PRKD1: variants seen among roughly 807,000 people sequenced by gnomAD.
The protein encoded by PRKD1 is serine/threonine-protein kinase D1.
Under a neutral mutation model 95.9 loss-of-function variants are expected in PRKD1, and 63 were observed. That is an observed-to-expected ratio of 0.66 (90% CI 0.54 to 0.81). PRKD1 has a LOEUF of 0.81. Ranked by LOEUF, PRKD1 falls within the 30% of genes least tolerant of loss-of-function variation. The probability of loss-of-function intolerance (pLI) is 0.00; values close to 1 mark genes in which losing one functional copy is unlikely to be tolerated. For missense variants in PRKD1, 1,048 were observed against 1,165.3 expected (o/e 0.90, Z 1.47); for synonymous variants, 425 against 423.1 (o/e 1.00, Z -0.05).
chr14:29,650,169 T>C (rs1242295682), intron 4 of PRKD1: 1 of 152,204 alleles, frequency 6.6e-6, no homozygotes, highest in Non-Finnish European at 1.5e-5. Context: ...GGGGTGTGAG[T>C]TTCATTCAAA....
intron 1 of PRKD1, among the ~76,000 whole-genome samples, chr14:29,767,616 A>G (rs1357817235): frequency 6.6e-6 from 1 of 152,150 alleles, no homozygotes; most frequent in African/African-American, 2.4e-5. Flanking sequence ...CATTTTAGCC[A>G]GTGTTCTCTT....
chr14:29,862,980 C>T lies in PRKD1; in HGVS notation c.264+64269G>A, dbSNP rs557474823. On this transcript the variant is annotated intron_variant, in intron 1 of 17. Transcript: ENST00000331968. ...AGTTTCCCCAAGCATTTTCTTTTGG[C>T]GGCTTCATAAAACAAAATTAGCTTT... is the stretch of plus-strand genomic sequence containing the variant. 1.1e-4 allele frequency among the ~76,000 whole-genome samples: 16 copies of T among 152,168 alleles called. No individual in the cohort carries two copies. In the South Asian group the frequency reaches 1.7e-3, roughly 16 times the overall value.
intron 4 of PRKD1, among the ~76,000 whole-genome samples, chr14:29,647,547 C>A (rs563211230): frequency 6.6e-6 from 1 of 152,144 alleles, no homozygotes; most frequent in Non-Finnish European, 1.5e-5. Flanking sequence ...AGTATTTGAC[C>A]TTGCCTGAAT....
chr14:29,733,963 CT>C (rs1324509481), intron 1 of PRKD1, among the ~76,000 whole-genome samples: 1 of 149,870 alleles, frequency 6.7e-6, no homozygotes, highest in African/African-American at 2.5e-5. Flanking sequence ...AGTCTATCAC[CT>C]TTACCATTTC....
chr14:29,607,996 G>A (rs1405864302), intron 13 of PRKD1, among the ~76,000 whole-genome samples: 3 of 152,116 alleles, frequency 2.0e-5, no homozygotes, highest in Non-Finnish European at 4.4e-5. Flanking sequence ...CTGAGGGAAA[G>A]AGTTCACAAA....
intron 2 of PRKD1, among the ~76,000 whole-genome samples, chr14:29,722,526 A>G (rs1377116690): frequency 6.6e-6 from 1 of 152,236 alleles, no homozygotes; most frequent in East Asian, 1.9e-4. Context: ...CAACAAATCG[A>G]TATTTTTACA....
intron 1 of PRKD1, among the ~76,000 whole-genome samples, chr14:29,875,020 T>C (rs540315384): frequency 9.9e-5 from 15 of 152,110 alleles, no homozygotes; most frequent in Non-Finnish European, 1.6e-4. Context: ...TATAAAAAAT[T>C]CACTTGTACT....
intron 13 of PRKD1, among the ~76,000 whole-genome samples, chr14:29,617,087 G>T (rs1878917018): frequency 1.3e-5 from 2 of 152,108 alleles, no homozygotes; most frequent in African/African-American, 4.8e-5. Flanking sequence ...GTTTGCCTAG[G>T]AAAATGGCCT....
At chr14:29,641,398 A>C (rs1880754495) in intron 4 of PRKD1, among the ~76,000 whole-genome samples, 1 of 152,206 alleles carries the variant, frequency 6.6e-6, no homozygotes, top group Non-Finnish European at 1.5e-5. Flanking sequence ...CATATTTCTA[A>C]ATGAAAAAGT....
intron 1 of PRKD1, among the ~76,000 whole-genome samples, chr14:29,798,306 G>A (rs937537792): frequency 9.9e-5 from 15 of 152,114 alleles, no homozygotes; most frequent in Admixed American, 6.5e-5. Flanking sequence ...TGGCAGAAGC[G>A]CCACCAAAAT....
intron 1 of PRKD1, among the ~76,000 whole-genome samples, chr14:29,762,776 C>T (rs376545990): frequency 9.1e-6 from 1 of 109,758 alleles, no homozygotes; most frequent in African/African-American, 3.3e-5. Context: ...TTTATTTTAT[C>T]TGTGTTGCCC....
At chr14:29,671,105 T>C (rs565836675) in intron 2 of PRKD1, among the ~76,000 whole-genome samples, 44 of 152,174 alleles carry the variant, frequency 2.9e-4, no homozygotes, top group Non-Finnish European at 2.6e-4. Context: ...ATAGGTTGAC[T>C]AGGCAGCTCA....
At chr14:29,845,395 T>C (rs1410122685) in intron 1 of PRKD1, among the ~76,000 whole-genome samples, 1 of 152,202 alleles carries the variant, frequency 6.6e-6, no homozygotes, top group African/African-American at 2.4e-5. Context: ...ACACTACCAA[T>C]ATGACTATTC....
chr14:29,670,875 A>G (rs1393500002), intron 2 of PRKD1, among the ~76,000 whole-genome samples: 2 of 152,304 alleles, frequency 1.3e-5, no homozygotes, highest in Admixed American at 6.5e-5. Flanking sequence ...AGTTGTGAGG[A>G]CCCACAGCTC....
chr14:29,615,447 T>G (rs1431331199), intron 13 of PRKD1, among the ~76,000 whole-genome samples: 1 of 152,268 alleles, frequency 6.6e-6, no homozygotes, highest in Non-Finnish European at 1.5e-5. Context: ...CAAAGTTTGC[T>G]GCTCAGCTTT....
At chr14:29,638,414 A>G (rs1880520339) in intron 6 of PRKD1, 75 bp downstream of exon 6, 20 of 1,543,554 alleles carry the variant, frequency 1.3e-5, no homozygotes, top group Middle Eastern at 1.7e-4. Context: ...AAAACCAAAA[A>G]CCCTGACTAA....
At chr14:29,867,186 T>TG (rs1369863260) in intron 1 of PRKD1, among the ~76,000 whole-genome samples, 2 of 152,124 alleles carry the variant, frequency 1.3e-5, no homozygotes, top group East Asian at 3.9e-4. Context: ...CATTCTGTAG[T>TG]GGGGGAGACA....
chr14:29,701,625 T>G (rs1884847894), intron 2 of PRKD1, among the ~76,000 whole-genome samples: 1 of 152,220 alleles, frequency 6.6e-6, no homozygotes, highest in African/African-American at 2.4e-5. Flanking sequence ...ACCCTAATTA[T>G]TTCCAGTGGT....
chr14:29,843,127 A>G (rs1465024699), intron 1 of PRKD1, among the ~76,000 whole-genome samples: 1 of 152,198 alleles, frequency 6.6e-6, no homozygotes, highest in Non-Finnish European at 1.5e-5. Context: ...TTAAAGAGGC[A>G]ATTAAGGTAA....
Sources: gnomAD v4.1 joint callset for allele counts (sites outside exome capture counted in the v4.1 genomes callset) on GRCh38, gnomAD v4.1.1 for gene constraint, MANE v1.5 for transcripts, NCBI Gene and HGNC (gene_info 2026-07-23, HGNC 2026-07-21) for gene names.